Variants in CLDN10 observed in about 807,000 individuals in gnomAD.
The protein encoded by CLDN10 is claudin 10.
Under a neutral mutation model 22.9 loss-of-function variants are expected in CLDN10, and 15 were observed. The ratio of observed to expected loss-of-function variants is 0.65; its 90% CI spans 0.44 to 1.01. CLDN10 has a LOEUF of 1.01. CLDN10 is among the 50% of genes least tolerant of loss of function. The probability of loss-of-function intolerance (pLI) is 0.00; values close to 1 mark genes in which losing one functional copy is unlikely to be tolerated. For synonymous variants in CLDN10, 114 were observed against 111.4 expected (o/e 1.02, Z -0.15); for missense variants, 247 against 287.8 (o/e 0.86, Z 1.03).
chr13:95,566,309 A>G (rs889096032), intron 3 of CLDN10, among the ~76,000 whole-genome samples: 5 of 152,156 alleles, frequency 3.3e-5, no homozygotes, highest in African/African-American at 4.8e-5. Context: ...CTTTTTAATG[A>G]TCGCCATTCT....
chr13:95,445,752 A>AT (rs1000804685), intron 1 of CLDN10, among the ~76,000 whole-genome samples: 7 of 151,710 alleles, frequency 4.6e-5, no homozygotes, highest in Non-Finnish European at 7.4e-5. Flanking sequence ...ACCGAGTTTA[A>AT]TTTTTTTTTA....
At chr13:95,513,578 A>T (rs56373643) in intron 1 of CLDN10, among the ~76,000 whole-genome samples, 1 of 724 alleles carries the variant, frequency 1.4e-3, no homozygotes, top group Non-Finnish European at 0.5. Flanking sequence ...AAAATAGAGC[A>T]TTTTCCCCTG....
At chr13:95,539,376 T>C (rs1296934458) in intron 1 of CLDN10, among the ~76,000 whole-genome samples, 4 of 152,346 alleles carry the variant, frequency 2.6e-5, no homozygotes, top group South Asian at 2.1e-4. Context: ...AGTATTTATA[T>C]TGAGACATGT....
chr13:95,476,563 T>G (rs977251395), intron 1 of CLDN10, among the ~76,000 whole-genome samples: 2 of 152,126 alleles, frequency 1.3e-5, no homozygotes, highest in Non-Finnish European at 2.9e-5. Context: ...CGTGTGAATT[T>G]TGGAGGGACA....
At chr13:95,533,557 G>A (rs1038068250) in intron 1 of CLDN10, 1 of 152,104 alleles carries the variant, frequency 6.6e-6, no homozygotes. Flanking sequence ...GGTATCTTGA[G>A]TCTCTTCTAG....
chr13:95,544,746 TGAG>T (rs1204522932), intron 1 of CLDN10, among the ~76,000 whole-genome samples: 1 of 152,042 alleles, frequency 6.6e-6, no homozygotes, highest in African/African-American at 2.4e-5. Flanking sequence ...AATATATCTT[TGAG>T]GAGAACCTAG....
At chr13:95,510,625 T>A (rs1434732234) in intron 1 of CLDN10, among the ~76,000 whole-genome samples, 2 of 152,152 alleles carry the variant, frequency 1.3e-5, no homozygotes, top group Non-Finnish European at 2.9e-5. Context: ...TATACCTTCA[T>A]GTTTGAATTG....
upstream of CLDN10, among the ~76,000 whole-genome samples, chr13:95,550,041 GT>G (rs1249066264): frequency 6.6e-6 from 1 of 152,148 alleles, no homozygotes; most frequent in Non-Finnish European, 1.5e-5. Flanking sequence ...CAGAGCTGTG[GT>G]TCTCAGCCTG....
chr13:95,459,481 C>T (rs901954806), intron 1 of CLDN10, among the ~76,000 whole-genome samples: 2 of 152,248 alleles, frequency 1.3e-5, no homozygotes, highest in African/African-American at 4.8e-5. Context: ...AACTTCTGTG[C>T]ACCTGAAGGC....
At chr13:95,479,349 C>T (rs1011988940) in intron 1 of CLDN10, 3 of 151,714 alleles carry the variant, frequency 2.0e-5, no homozygotes, top group Admixed American at 1.3e-4. Flanking sequence ...GACTCCATCT[C>T]GGGGGGAAAA....
rs143512068 is a variant in CLDN10 at position 95,507,514 on chromosome 13, G to A, written c.215-52618G>A. Among the ~76,000 whole-genome samples the A allele has an allele frequency of 2.0e-3, 309 of 152,150 alleles. 1 individual carries two copies. Among genetic ancestry groups the A allele is most frequent in the African/African-American group, 7.0e-3 (292 of 41,520 alleles). ...TAAAGACGATGTGGGGTCAGGTGCG[G>A]TGTTTCACTCCTATGTAATCCCAGC... On this transcript the variant is annotated intron_variant, in intron 1 of 4. Coordinates refer to the CLDN10 transcript ENST00000376873.
intron 3 of CLDN10, among the ~76,000 whole-genome samples, chr13:95,562,958 T>C (rs2043734522): frequency 6.6e-6 from 1 of 152,230 alleles, no homozygotes; most frequent in East Asian, 1.9e-4. Flanking sequence ...TCTTATTCTC[T>C]TTTCAGATTT....
At chr13:95,563,150 C>T (rs542236236) in intron 3 of CLDN10, among the ~76,000 whole-genome samples, 33 of 146,160 alleles carry the variant, frequency 2.3e-4, no homozygotes, top group African/African-American at 8.0e-4. Context: ...GTATTCTCAT[C>T]TGTAAAACAA....
chr13:95,468,143 T>G (rs1344298743), intron 1 of CLDN10, among the ~76,000 whole-genome samples: 1 of 152,204 alleles, frequency 6.6e-6, no homozygotes, highest in Non-Finnish European at 1.5e-5. Flanking sequence ...CACACAAAAT[T>G]TACTATCCTA....
intron 1 of CLDN10, among the ~76,000 whole-genome samples, chr13:95,513,748 C>G (rs570374101): frequency 6.6e-6 from 1 of 152,086 alleles, no homozygotes. Context: ...TGAGATAGAC[C>G]TTTTCTCATG....
At chr13:95,535,054 A>C (rs1342933565) in intron 1 of CLDN10, among the ~76,000 whole-genome samples, 1 of 152,162 alleles carries the variant, frequency 6.6e-6, no homozygotes, top group Non-Finnish European at 1.5e-5. Context: ...CTCCAGGCTA[A>C]TTAAGCAAAA....
At chr13:95,482,783 C>G (rs1346023363) in intron 1 of CLDN10, among the ~76,000 whole-genome samples, 1 of 152,036 alleles carries the variant, frequency 6.6e-6, no homozygotes, top group Admixed American at 6.5e-5. Context: ...TTGAGACCAC[C>G]CTGGCCAACA....
chr13:95,522,158 C>T (rs1439682337), intron 1 of CLDN10, among the ~76,000 whole-genome samples: 1 of 151,916 alleles, frequency 6.6e-6, no homozygotes, highest in Non-Finnish European at 1.5e-5. Context: ...TGAAGGCTTG[C>T]TTTACTATTT....
At chr13:95,461,019 G>A (rs896852206) in intron 1 of CLDN10, among the ~76,000 whole-genome samples, 1 of 152,192 alleles carries the variant, frequency 6.6e-6, no homozygotes, top group African/African-American at 2.4e-5. Context: ...GGCTGAGGCA[G>A]GGGAATTGCT....
Sources: gnomAD v4.1 joint callset for allele counts (sites outside exome capture counted in the v4.1 genomes callset) on GRCh38, gnomAD v4.1.1 for gene constraint, MANE v1.5 for transcripts, NCBI Gene and HGNC (gene_info 2026-07-23, HGNC 2026-07-21) for gene names.